The following CACNA2D3 variants were observed in gnomAD, a reference collection of about 807,000 sequenced individuals.
CACNA2D3 encodes the protein calcium voltage-gated channel auxiliary subunit alpha2delta 3, also known as voltage-dependent calcium channel subunit alpha-2/delta-3.
Under a neutral mutation model 160.6 loss-of-function variants are expected in CACNA2D3, and 60 were observed. The ratio of observed to expected loss-of-function variants is 0.37; its 90% CI spans 0.30 to 0.46. CACNA2D3 has a LOEUF of 0.46. Among genes scored for constraint, CACNA2D3 ranks in the 20% least tolerant of loss-of-function variants. CACNA2D3 has a pLI of 1.00. For missense variants in CACNA2D3, 1,205 were observed against 1,365.0 expected, an observed-to-expected ratio of 0.88 and a Z score of 1.85; for synonymous variants, 558 against 492.9, an observed-to-expected ratio of 1.13 and a Z score of -1.75.
intron 5 of CACNA2D3, among the ~76,000 whole-genome samples, chr3:54,515,785 A>G (rs759383359): frequency 3.6e-4 from 55 of 152,216 alleles, no homozygotes; most frequent in Non-Finnish European, 4.1e-4. Context: ...AACATTCTGC[A>G]CTTGGGAAAA....
chr3:54,220,987 G>C (rs971550010), intron 2 of CACNA2D3, among the ~76,000 whole-genome samples: 3 of 152,188 alleles, frequency 2.0e-5, no homozygotes, highest in African/African-American at 4.8e-5. Flanking sequence ...AATGGAGGGG[G>C]TGAGAAAGTA....
chr3:54,787,330 C>T (rs1213338857), intron 13 of CACNA2D3, among the ~76,000 whole-genome samples: 3 of 152,176 alleles, frequency 2.0e-5, no homozygotes, highest in South Asian at 4.1e-4. Flanking sequence ...TAATTTAGAT[C>T]ACCGTTAGGA....
At chr3:54,760,762 G>T (rs144962958) in intron 12 of CACNA2D3, among the ~76,000 whole-genome samples, 2 of 151,994 alleles carry the variant, frequency 1.3e-5, no homozygotes, top group Admixed American at 1.3e-4. Context: ...GGAAAGGAGG[G>T]ATATGGAGGA....
intron 4 of CACNA2D3, among the ~76,000 whole-genome samples, chr3:54,410,058 G>GAGGAGA (rs1699639653): frequency 6.6e-6 from 1 of 152,178 alleles, no homozygotes; most frequent in Non-Finnish European, 1.5e-5. Context: ...CCTAGTTGAA[G>GAGGAGA]AGGAGAAGTC....
chr3:54,264,486 T>C (rs555931386), intron 2 of CACNA2D3, among the ~76,000 whole-genome samples: 14 of 152,348 alleles, frequency 9.2e-5, no homozygotes, highest in Non-Finnish European at 1.8e-4. Context: ...TCATCTTTTC[T>C]TCTTATTTGG....
At chr3:55,056,702 C>T (rs1704369428) in intron 35 of CACNA2D3, among the ~76,000 whole-genome samples, 2 of 152,100 alleles carry the variant, frequency 1.3e-5, no homozygotes, top group Admixed American at 1.3e-4. Context: ...ATAAGCCAGA[C>T]ACAGAAAGAC....
At chr3:54,703,461 C>G (rs1700803239) in intron 11 of CACNA2D3, among the ~76,000 whole-genome samples, 3 of 152,106 alleles carry the variant, frequency 2.0e-5, no homozygotes, top group Admixed American at 2.0e-4. Context: ...ACTAGTGTCC[C>G]TACAATTGGA....
intron 11 of CACNA2D3, among the ~76,000 whole-genome samples, chr3:54,698,600 A>T (rs1700708432): frequency 6.6e-6 from 1 of 152,158 alleles, no homozygotes; most frequent in South Asian, 2.1e-4. Flanking sequence ...CAAGCGAGGG[A>T]TTAAAACTCA....
At chr3:54,715,238 T>G (rs1456506015) in intron 11 of CACNA2D3, among the ~76,000 whole-genome samples, 1 of 152,178 alleles carries the variant, frequency 6.6e-6, no homozygotes, top group Non-Finnish European at 1.5e-5. Flanking sequence ...ACTTTACTTA[T>G]AATAAATGTA....
rs769997696 is a variant in CACNA2D3 at position 54,753,716 on chromosome 3, GTAA to G, written c.1246+1047_1246+1049del. 1.0e-3 allele frequency among the ~76,000 whole-genome samples: 156 copies of G among 152,270 alleles called. 1 individual carries two copies. The highest frequency in any genetic ancestry group is 6.8e-3 in the Middle Eastern group (2 of 292). On this transcript the variant is annotated intron_variant, in intron 12 of 37. Coordinates refer to ENST00000474759, the MANE Select transcript of CACNA2D3 (RefSeq NM_018398.3). ...TGTTCTAATACTCAAAATGGTAATG[GTAA>G]TAATAATTCTTCCTTTAATTTTTTA...
At chr3:55,069,706 G>A (rs1476744577) in intron 35 of CACNA2D3, among the ~76,000 whole-genome samples, 2 of 152,132 alleles carry the variant, frequency 1.3e-5, no homozygotes, top group East Asian at 1.9e-4. Context: ...TCACCTGGGG[G>A]TAGATTCTCA....
rs142981273 is a variant in CACNA2D3, at chr3:54,977,728, GCAT to G, written c.2557-6876_2557-6874del. Among the ~76,000 whole-genome samples the G allele has an allele frequency of 7.7e-3, 1,173 of 152,252 alleles. 23 individuals are homozygous for G. The highest frequency in any genetic ancestry group is 0.027 in the African/African-American group (1,110 of 41,562). Reference sequence around the variant, plus strand: ...TTCATTGTCTGTATCTGCAGAATGAGCATCATGATGTTACCTGAAAGGGATCCC... The same window carrying G: ...TTCATTGTCTGTATCTGCAGAATGAGCATGATGTTACCTGAAAGGGATCCC... On this transcript the variant is annotated intron_variant, in intron 29 of 37. Transcript: ENST00000474759.
chr3:54,461,786 C>T (rs890567917), intron 4 of CACNA2D3, among the ~76,000 whole-genome samples: 1 of 151,924 alleles, frequency 6.6e-6, no homozygotes, highest in African/African-American at 2.4e-5. Context: ...TTCAGTTCTG[C>T]TCTGATTTTA....
intron 35 of CACNA2D3, among the ~76,000 whole-genome samples, chr3:55,050,232 C>T (rs368480949): frequency 2.0e-4 from 30 of 150,348 alleles, no homozygotes; most frequent in African/African-American, 4.9e-4. Context: ...GATTTTGCAG[C>T]GGCTGGTACC....
chr3:54,430,724 T>C (rs1306126467), intron 4 of CACNA2D3, among the ~76,000 whole-genome samples: 2 of 152,192 alleles, frequency 1.3e-5, no homozygotes, highest in Non-Finnish European at 2.9e-5. Context: ...GCCTTAAATA[T>C]ATGAAGATTC....
At chr3:54,478,357 G>A (rs1047805004) in intron 4 of CACNA2D3, among the ~76,000 whole-genome samples, 2 of 151,988 alleles carry the variant, frequency 1.3e-5, no homozygotes, top group African/African-American at 4.8e-5. Flanking sequence ...CTGCAGCCAG[G>A]CGCAGTGGCT....
chr3:54,181,270 A>G lies in CACNA2D3; in HGVS notation c.204+57676A>G, dbSNP rs571383258. Among the ~76,000 whole-genome samples, 10 of 152,354 alleles carry G rather than the reference A, an allele frequency of 6.6e-5. No homozygotes were observed. In the South Asian group the frequency reaches 1.4e-3, roughly 22 times the overall value. ...ATTGGACACCAATTATGTTGCTGCTATTAATCAAGATACTCATATTTAGCA... is the reference window on the plus strand; with the variant it reads ...ATTGGACACCAATTATGTTGCTGCTGTTAATCAAGATACTCATATTTAGCA... On this transcript the variant is annotated intron_variant, in intron 2 of 37. Transcript: ENST00000474759.
chr3:54,574,397 T>C (rs571358927), intron 8 of CACNA2D3, among the ~76,000 whole-genome samples: 10 of 152,320 alleles, frequency 6.6e-5, no homozygotes, highest in Admixed American at 5.2e-4. Flanking sequence ...GTGAACTGCA[T>C]GTTTAATATT....
chr3:54,218,156 C>T (rs557835766), intron 2 of CACNA2D3, among the ~76,000 whole-genome samples: 2 of 152,306 alleles, frequency 1.3e-5, no homozygotes, highest in South Asian at 4.1e-4. Context: ...CTTTGTGGGA[C>T]TATCCCCTTC....
Sources: allele counts gnomAD v4.1 joint callset (sites outside exome capture counted in the v4.1 genomes callset), GRCh38; gene constraint gnomAD v4.1.1; transcripts MANE v1.5; gene names NCBI Gene and HGNC (gene_info 2026-07-23, HGNC 2026-07-21).